The following TAFA5 variants were observed in gnomAD, a reference collection of about 807,000 sequenced individuals.
The protein encoded by TAFA5 is chemokine-like protein TAFA-5.
Under a neutral mutation model 15.3 loss-of-function variants are expected in TAFA5, and 6 were observed. That is an observed-to-expected ratio of 0.39 (90% CI 0.21 to 0.77). TAFA5 has a LOEUF of 0.77. Among genes scored for constraint, TAFA5 ranks in the 30% least tolerant of loss-of-function variants. The pLI is 0.41. For missense variants in TAFA5, 161 were observed against 193.1 expected, an observed-to-expected ratio of 0.83 and a Z score of 0.98; for synonymous variants, 103 against 80.7, an observed-to-expected ratio of 1.28 and a Z score of -1.48.
intron 1 of TAFA5, chr22:48,545,054 C>T (rs1922614025): frequency 5.5e-6 from 2 of 362,708 alleles, no homozygotes; most frequent in African/African-American, 2.1e-5. Context: ...GAAGGACTCT[C>T]AGGGGAACCA....
rs567200946 is a variant in TAFA5 at position 48,542,106 on chromosome 22, G to GGTGT, written c.112+52414_112+52417dup. Reference sequence around the variant, plus strand: ...GTGTGTGCATGTGTGATGTGTGTGTGGTGTGTGTGTGTGTGGTGTGTGTGA... The same window carrying GGTGT: ...GTGTGTGCATGTGTGATGTGTGTGTGGTGTGTGTGTGTGTGTGTGGTGTGTGTGA... On this transcript the variant is annotated intron_variant, in intron 1 of 3. Coordinates refer to ENST00000402357, the MANE Select transcript of TAFA5 (RefSeq NM_001082967.3). Among the ~76,000 whole-genome samples, 14 of 43,148 alleles carry GGTGT rather than the reference G, an allele frequency of 3.2e-4. No individual in the cohort carries two copies. The South Asian group carries it at 0.017, about 54-fold the overall frequency. 28.3% of individuals were successfully genotyped at this position (43,148 alleles called of 152,430 possible).
intron 3 of TAFA5, among the ~76,000 whole-genome samples, chr22:48,713,043 C>T (rs530673597): frequency 6.6e-6 from 1 of 152,354 alleles, no homozygotes; most frequent in African/African-American, 2.4e-5. Flanking sequence ...TTGCAAGATA[C>T]TTGTCAGTGA....
At chr22:48,542,482 T>TGTGTGTG (rs1922459322) in intron 1 of TAFA5, among the ~76,000 whole-genome samples, 1 of 19,642 alleles carries the variant, frequency 5.1e-5, no homozygotes, top group Non-Finnish European at 2.0e-4. Context: ...GTGTGTGTGG[T>TGTGTGTG]GTGTGTGTGG....
intron 1 of TAFA5, among the ~76,000 whole-genome samples, chr22:48,643,153 C>T (rs1926743337): frequency 6.6e-6 from 1 of 152,214 alleles, no homozygotes. Flanking sequence ...GACTGAGAGG[C>T]ACTGCAACCC....
At chr22:48,541,061 G>C (rs1000228173) in intron 1 of TAFA5, among the ~76,000 whole-genome samples, 1 of 152,140 alleles carries the variant, frequency 6.6e-6, no homozygotes, top group Non-Finnish European at 1.5e-5. Flanking sequence ...GGGGGTGGGG[G>C]AGTCAGGGCT....
At chr22:48,508,338 C>T in intron 1 of TAFA5, among the ~76,000 whole-genome samples, 1 of 152,228 alleles carries the variant, frequency 6.6e-6, no homozygotes, top group East Asian at 1.9e-4. Context: ...CTGCCGCCCC[C>T]CCAGAGCTGG....
chr22:48,633,212 G>A lies in TAFA5; in HGVS notation c.113-13385G>A, dbSNP rs111769071. Reference sequence around the variant, plus strand: ...CCGACCTGAACCCCACGACCTTTGCGGGGAATGAACCAGTGAAGGGATGAG... The same window carrying A: ...CCGACCTGAACCCCACGACCTTTGCAGGGAATGAACCAGTGAAGGGATGAG... On this transcript the variant is annotated intron_variant, in intron 1 of 3. Coordinates refer to ENST00000402357, the MANE Select transcript of TAFA5 (RefSeq NM_001082967.3). Among the ~76,000 whole-genome samples the A allele has an allele frequency of 4.7e-3, 711 of 152,318 alleles. 11 individuals carry two copies. Among genetic ancestry groups the A allele is most frequent in the African/African-American group, 0.016 (676 of 41,576 alleles).
intron 3 of TAFA5, among the ~76,000 whole-genome samples, chr22:48,708,071 T>G (rs1409288848): frequency 6.6e-6 from 1 of 152,072 alleles, no homozygotes; most frequent in African/African-American, 2.4e-5. Flanking sequence ...GAGAGCTGGA[T>G]GCAGAACCAG....
chr22:48,582,874 C>G (rs1924130430), intron 1 of TAFA5, among the ~76,000 whole-genome samples: 1 of 148,906 alleles, frequency 6.7e-6, no homozygotes, highest in Non-Finnish European at 1.5e-5. Flanking sequence ...ACGCAAAATA[C>G]ACCACACACA....
intron 1 of TAFA5, among the ~76,000 whole-genome samples, chr22:48,625,250 G>A (rs1925987876): frequency 6.6e-6 from 1 of 152,162 alleles, no homozygotes; most frequent in Admixed American, 6.5e-5. Context: ...GAATGTGTAT[G>A]ACCCACCAGT....
intron 3 of TAFA5, among the ~76,000 whole-genome samples, chr22:48,722,817 G>A (rs1371536986): frequency 6.6e-6 from 1 of 152,246 alleles, no homozygotes; most frequent in African/African-American, 2.4e-5. Flanking sequence ...CAATCAGCTG[G>A]GCTGCACGCC....
At chr22:48,652,034 C>G (rs1927073305) in intron 2 of TAFA5, among the ~76,000 whole-genome samples, 1 of 152,164 alleles carries the variant, frequency 6.6e-6, no homozygotes, top group Non-Finnish European at 1.5e-5. Flanking sequence ...CTCATGATGC[C>G]CTAGCAATGT....
At chr22:48,569,208 A>G (rs1923502753) in intron 1 of TAFA5, among the ~76,000 whole-genome samples, 2 of 152,112 alleles carry the variant, frequency 1.3e-5, no homozygotes, top group South Asian at 2.1e-4. Context: ...GAAGAGGGCA[A>G]TCTCCGGGGA....
chr22:48,579,851 A>C (rs1184603961), intron 1 of TAFA5, among the ~76,000 whole-genome samples: 2 of 152,220 alleles, frequency 1.3e-5, no homozygotes, highest in Non-Finnish European at 2.9e-5. Context: ...TGGCACCCAA[A>C]GGGACATGAG....
intron 2 of TAFA5, among the ~76,000 whole-genome samples, chr22:48,702,295 C>T (rs1260553959): frequency 6.6e-6 from 1 of 152,042 alleles, no homozygotes; most frequent in Non-Finnish European, 1.5e-5. Context: ...TGTTTCCAGG[C>T]AGAGAAAGAG....
intron 2 of TAFA5, among the ~76,000 whole-genome samples, chr22:48,660,101 C>T (rs1927383027): frequency 6.6e-6 from 1 of 150,556 alleles, no homozygotes; most frequent in Non-Finnish European, 1.5e-5. Flanking sequence ...GTTCACCCTT[C>T]TAGGGGGCTG....
chr22:48,506,574 A>ACCGTT (rs1039867853), intron 1 of TAFA5, among the ~76,000 whole-genome samples: 6 of 152,076 alleles, frequency 3.9e-5, no homozygotes, highest in Non-Finnish European at 5.9e-5. Context: ...TGTCTGTGCC[A>ACCGTT]CCGTTCCGTA....
chr22:48,625,536 G>C (rs951016807), intron 1 of TAFA5, among the ~76,000 whole-genome samples: 1 of 152,180 alleles, frequency 6.6e-6, no homozygotes, highest in Non-Finnish European at 1.5e-5. Flanking sequence ...CAGTGCTTAC[G>C]ATCAGGTCCT....
chr22:48,511,705 C>T (rs1381705044), intron 1 of TAFA5, among the ~76,000 whole-genome samples: 1 of 152,254 alleles, frequency 6.6e-6, no homozygotes, highest in African/African-American at 2.4e-5. Flanking sequence ...GCCCGGCACA[C>T]ACAGGCCCTG....
Sources: gnomAD v4.1 joint callset for allele counts (sites outside exome capture counted in the v4.1 genomes callset) on GRCh38, gnomAD v4.1.1 for gene constraint, MANE v1.5 for transcripts, NCBI Gene and HGNC (gene_info 2026-07-23, HGNC 2026-07-21) for gene names.